The following DNAH7 variants were observed in gnomAD, a reference collection of about 807,000 sequenced individuals.
The protein encoded by DNAH7 is dynein axonemal heavy chain 7.
DNAH7 carries 397 observed loss-of-function variants against 444.6 expected under a neutral mutation model. The ratio of observed to expected loss-of-function variants is 0.89; its 90% CI spans 0.82 to 0.97. The LOEUF (loss-of-function observed/expected upper bound fraction) is 0.97, where lower values mean the gene tolerates loss of function less well. Among genes scored for constraint, DNAH7 ranks in the 50% least tolerant of loss-of-function variants. The pLI is 0.00. For missense variants in DNAH7, 4,902 were observed against 4,800.8 expected (o/e 1.02, Z -0.62); for synonymous variants, 1,636 against 1,624.4 (o/e 1.01, Z -0.17).
At chr2:195,840,850 A>C (rs1453819496) in intron 47 of DNAH7, among the ~76,000 whole-genome samples, 3 of 151,876 alleles carry the variant, frequency 2.0e-5, no homozygotes, top group Non-Finnish European at 1.5e-5. Context: ...ATATATACTA[A>C]GTTGTCAATT....
intron 9 of DNAH7, among the ~76,000 whole-genome samples, chr2:196,018,761 C>CCGGAGGACTA (rs1440094053): frequency 2.6e-5 from 4 of 151,978 alleles, no homozygotes; most frequent in Non-Finnish European, 5.9e-5. Context: ...GATAGCACAA[C>CCGGAGGACTA]CGGAGGACTA....
In DNAH7 at chr2:195,921,041, C is replaced by T. The variant is rs564970467; in HGVS notation, c.3935+1047G>A. On this transcript the variant is annotated intron_variant, in intron 24 of 64. Transcript: ENST00000312428. ...TACCACTTTATTCCTGAAGAATGGTCATAATTTAAAAATAAAAAAATAGAT... is the reference window on the plus strand; with the variant it reads ...TACCACTTTATTCCTGAAGAATGGTTATAATTTAAAAATAAAAAAATAGAT... Among the ~76,000 whole-genome samples the T allele has an allele frequency of 1.5e-4, 23 of 152,128 alleles. No homozygotes were observed. The South Asian group carries it at 4.2e-3, about 27-fold the overall frequency.
chr2:196,027,862 T>G, intron 6 of DNAH7, 98 bp downstream of exon 6: 6 of 1,054,838 alleles, frequency 5.7e-6, no homozygotes, highest in Non-Finnish European at 8.2e-6. Context: ...CCACAGAGTT[T>G]CACAAAGGAG....
chr2:195,748,588 C>G (rs1304124930), intron 63 of DNAH7, among the ~76,000 whole-genome samples: 2 of 152,170 alleles, frequency 1.3e-5, no homozygotes, highest in Non-Finnish European at 2.9e-5. Flanking sequence ...TCAAACTATA[C>G]TACAAGGCTA....
At position 195,910,197 on chromosome 2, in the gene DNAH7, T is replaced by C. The variant is rs1434867656; in HGVS notation, c.3936-2A>G. ...AAATGAAGGGCTCCAAATAAGGTTC[T>C]GAAACATATGAAATAGACATTCTTT... On this transcript the variant is annotated splice_acceptor_variant, in intron 24 of 64. Coordinates refer to ENST00000312428, the MANE Select transcript of DNAH7 (RefSeq NM_018897.3). LOFTEE classifies it high-confidence loss of function. 1 of 1,595,706 alleles carries C rather than the reference T, an allele frequency of 6.3e-7. No individual in the cohort carries two copies. Among genetic ancestry groups the C allele is most frequent in the Non-Finnish European group, 8.5e-7 (1 of 1,172,268 alleles).
At chr2:195,926,232 G>A (rs961592696) in intron 22 of DNAH7, among the ~76,000 whole-genome samples, 194 bp downstream of exon 22, 6 of 151,952 alleles carry the variant, frequency 3.9e-5, no homozygotes, top group African/African-American at 1.5e-4. Context: ...CATAAATTTT[G>A]AAATTATTGG....
At chr2:195,805,365 T>C (rs1696662150) in intron 54 of DNAH7, among the ~76,000 whole-genome samples, 1 of 151,914 alleles carries the variant, frequency 6.6e-6, no homozygotes, top group Admixed American at 6.6e-5. Flanking sequence ...TAATAAAATG[T>C]TTTAGAGGAG....
At chr2:195,906,821 A>G (rs1687054751) in intron 26 of DNAH7, 35 bp from the exon 27 acceptor site, 4 of 1,611,862 alleles carry the variant, frequency 2.5e-6, no homozygotes, top group Non-Finnish European at 3.4e-6. Flanking sequence ...ACTTAGTAAT[A>G]CCACATATAA....
chr2:195,850,877 C>G (rs553771683), intron 46 of DNAH7, among the ~76,000 whole-genome samples: 4 of 152,262 alleles, frequency 2.6e-5, no homozygotes, highest in African/African-American at 9.6e-5. Flanking sequence ...TCGTTAGATG[C>G]CACAGGGAGC....
chr2:195,866,634 C>T (rs993788101), intron 40 of DNAH7, among the ~76,000 whole-genome samples: 5 of 152,238 alleles, frequency 3.3e-5, no homozygotes, highest in African/African-American at 1.2e-4. Flanking sequence ...AACACATCTG[C>T]ATTAAAATCA....
chr2:195,803,129 T>C (rs1010271127), intron 54 of DNAH7, among the ~76,000 whole-genome samples: 2 of 152,260 alleles, frequency 1.3e-5, no homozygotes, highest in African/African-American at 4.8e-5. Flanking sequence ...CTTTTCTCGA[T>C]AGATTTTTTA....
chr2:195,927,793 G>T (rs1288883077), intron 21 of DNAH7, among the ~76,000 whole-genome samples: 1 of 151,760 alleles, frequency 6.6e-6, no homozygotes, highest in Admixed American at 6.6e-5. Context: ...AGCCTTTCAA[G>T]CATGCAAATA....
Position 195,884,916 on chromosome 2 carries a change from C to T in DNAH7, c.5539-107G>A, listed in dbSNP as rs145822427. The T allele has an allele frequency of 1.6e-3, 1,385 of 877,314 alleles. 5 individuals are homozygous for T. The highest frequency in any genetic ancestry group is 7.8e-3 in the Middle Eastern group (22 of 2,806). 54.3% of individuals were successfully genotyped at this position (877,314 alleles called of 1,614,324 possible). A position where few individuals can be genotyped will look rare whatever the true frequency, so the allele number is the denominator to read the frequency against. ...AGATTAGTATCTCTGAAAGGAAACACGTAAGCTCAAATATATTAGTAGGTC... is the reference window on the plus strand; with the variant it reads ...AGATTAGTATCTCTGAAAGGAAACATGTAAGCTCAAATATATTAGTAGGTC... On this transcript the variant is annotated intron_variant, in intron 34 of 64. Transcript: ENST00000312428.
At chr2:195,947,624 C>T (rs1365140021) in intron 19 of DNAH7, among the ~76,000 whole-genome samples, 1 of 152,130 alleles carries the variant, frequency 6.6e-6, no homozygotes, top group African/African-American at 2.4e-5. Flanking sequence ...GACATGAACT[C>T]ATCCTTTTTT....
chr2:195,869,196 C>T (rs1700530906), intron 40 of DNAH7, among the ~76,000 whole-genome samples: 1 of 151,790 alleles, frequency 6.6e-6, no homozygotes, highest in South Asian at 2.1e-4. Flanking sequence ...AGATTGAATC[C>T]CAGGTTCCAT....
chr2:196,001,601 G>T, intron 11 of DNAH7, 74 bp downstream of exon 11: 1 of 1,316,878 alleles, frequency 7.6e-7, no homozygotes, highest in Non-Finnish European at 1.0e-6. Context: ...TGATAGAGAT[G>T]TTATTTTCCT....
intron 12 of DNAH7, among the ~76,000 whole-genome samples, chr2:195,992,557 A>G (rs1272633999): frequency 6.6e-6 from 1 of 152,218 alleles, no homozygotes; most frequent in East Asian, 1.9e-4. Flanking sequence ...CAATTCAATT[A>G]AACATGTATG....
intron 10 of DNAH7, among the ~76,000 whole-genome samples, chr2:196,002,219 A>G (rs1202580668): frequency 6.6e-6 from 1 of 152,204 alleles, no homozygotes; most frequent in African/African-American, 2.4e-5. Context: ...TTGTTAGTTT[A>G]AAGTTAAAAT....
At chr2:196,023,487 C>T (rs943957146) in intron 8 of DNAH7, among the ~76,000 whole-genome samples, 2 of 152,170 alleles carry the variant, frequency 1.3e-5, no homozygotes, top group Non-Finnish European at 2.9e-5. Context: ...TTTCTTAAAC[C>T]TCATGAAGCA....
Sources: allele counts gnomAD v4.1 joint callset (sites outside exome capture counted in the v4.1 genomes callset), GRCh38; gene constraint gnomAD v4.1.1; transcripts MANE v1.5; gene names NCBI Gene and HGNC (gene_info 2026-07-23, HGNC 2026-07-21).